The following CARMIL2 variants were observed in gnomAD, a reference collection of about 807,000 sequenced individuals.
CARMIL2 encodes the protein capping protein, Arp2/3 and myosin-I linker protein 2.
In CARMIL2, 96 loss-of-function variants were observed where a neutral mutation model predicts 173.3. That is an observed-to-expected ratio of 0.55 (90% confidence interval 0.47 to 0.66). The LOEUF is 0.66. Ranked by LOEUF, CARMIL2 falls within the 30% of genes least tolerant of loss-of-function variation. CARMIL2 has a pLI of 0.00. For missense variants in CARMIL2, 1,771 were observed against 1,906.7 expected (o/e 0.93, Z 1.33); for synonymous variants, 830 against 817.1 (o/e 1.02, Z -0.27).
intron 33 of CARMIL2, 62 bp downstream of exon 33, chr16:67,656,129 C>T: frequency 6.2e-7 from 1 of 1,610,764 alleles, no homozygotes; most frequent in Non-Finnish European, 8.5e-7. Flanking sequence ...AGACAGCCCC[C>T]AAGGCACTTG....
Position 67,646,776 on chromosome 16 carries a change from A to G in CARMIL2, c.529A>G (p.Ile177Val), listed in dbSNP as rs2052601982. 3 of 1,613,540 alleles carry G rather than the reference A, an allele frequency of 1.9e-6. No individual in the cohort carries two copies. Among genetic ancestry groups the G allele is most frequent in the African/African-American group, 2.7e-5 (2 of 74,814 alleles). The change falls in exon 7 of 38, where the codon ATT (isoleucine) becomes GTT (valine). Residue 177 changes from isoleucine (I) to valine (V), a missense_variant. By Grantham distance (29) the Ile-to-Val change is conservative. Coordinates refer to ENST00000334583, the MANE Select transcript of CARMIL2 (RefSeq NM_001013838.3). The surrounding 1 kb of genome is among the most constrained non-coding windows in gnomAD (Gnocchi z 4.6). Reference protein sequence around the residue: ...DYNGFPFREEIQWDVDTIYHR... With the variant: ...DYNGFPFREEVQWDVDTIYHR... ...CAATGGCTTCCCTTTCCGAGAGGAG[A>G]TTCAGTGGGTGAGGGTAGGGCCCTT... is the stretch of plus-strand genomic sequence containing the variant.
Position 67,646,182 on chromosome 16 carries a change from C to G in CARMIL2, c.250-4C>G. 4 of 1,613,780 alleles carry G rather than the reference C, an allele frequency of 2.5e-6. No homozygotes were observed. In the South Asian group the frequency reaches 4.4e-5, roughly 18 times the overall value. ...GCCGAGGCCTAGTAGTGCCCCTTCC[C>G]TAGGTCACCTTTGAGCTGGAGTCCC... On this transcript the variant is annotated splice_polypyrimidine_tract_variant and splice_region_variant and intron_variant, in intron 4 of 37. Coordinates refer to ENST00000334583, the MANE Select transcript of CARMIL2 (RefSeq NM_001013838.3). This position sits in a 1 kb window ranked among gnomAD's most constrained non-coding sequence, Gnocchi z 4.6.
In CARMIL2 at chr16:67,649,552, G is replaced by T; in HGVS notation, c.1852G>T (p.Gly618Cys). 2 of 1,604,086 alleles carry T rather than the reference G, an allele frequency of 1.2e-6. No homozygotes were observed. Among genetic ancestry groups the T allele is most frequent in the Non-Finnish European group, 8.5e-7 (1 of 1,179,814 alleles). ...TAACCTGACCGCGCTGGATATCAGC[G>T]GCAACGCCATGGGGGACGCGGGCGC... Reference protein sequence around the residue: ...NPNLTALDISGNAMGDAGAKL... With the variant: ...NPNLTALDISCNAMGDAGAKL... The change falls in exon 20 of 38, where the codon GGC becomes TGC. Residue 618 changes from glycine (G) to cysteine (C), a missense_variant. Coordinates refer to ENST00000334583, the MANE Select transcript of CARMIL2 (RefSeq NM_001013838.3). This position sits in a 1 kb window ranked among gnomAD's most constrained non-coding sequence, Gnocchi z 6.7.
intron 22 of CARMIL2, 52 bp downstream of exon 22, chr16:67,650,202 C>A: frequency 6.8e-7 from 1 of 1,466,330 alleles, no homozygotes; most frequent in Non-Finnish European, 9.3e-7. Flanking sequence ...AGACCTGTGG[C>A]ATCCGGGAGC....
chr16:67,656,824 C>G lies in CARMIL2; in HGVS notation c.4060C>G (p.Leu1354Val), dbSNP rs1183759247. Residue 1354 changes from leucine (L) to valine (V), a missense_variant, in exon 36 of 38, where the codon CTC becomes GTC. By Grantham distance (32) the Leu-to-Val change is conservative. This residue lies in a region of CARMIL2 where 817 missense variants were observed against 903.5 expected (regional missense o/e 0.90). Coordinates refer to ENST00000334583, the MANE Select transcript of CARMIL2 (RefSeq NM_001013838.3). ...NEDGQLRPRPLSAGRRAVSVH... is the reference protein window; with the variant it reads ...NEDGQLRPRPVSAGRRAVSVH... Reference sequence around the variant, plus strand: ...AGATGGCCAGCTGAGGCCGAGGCCTCTCTCGGCAGGGCGGCGAGCAGTGTC... The same window carrying G: ...AGATGGCCAGCTGAGGCCGAGGCCTGTCTCGGCAGGGCGGCGAGCAGTGTC... 1.3e-6 allele frequency: 2 copies of G among 1,551,048 alleles called. No homozygotes were observed. The highest frequency in any genetic ancestry group is 1.7e-6 in the Non-Finnish European group (2 of 1,147,058).
Position 67,653,970 on chromosome 16 carries a change from G to A in CARMIL2, c.3121-179G>A, listed in dbSNP as rs1264098603. Among the ~76,000 whole-genome samples the A allele has an allele frequency of 6.6e-6, 1 of 151,866 alleles. No individual in the cohort carries two copies. Among genetic ancestry groups the A allele is most frequent in the African/African-American group, 2.4e-5 (1 of 41,344 alleles). ...GGAGCCAGCAGCGAGTGAGGAGTGCGTGAAATCTGGAGTCTCTGTCCAGCA... is the reference window on the plus strand; with the variant it reads ...GGAGCCAGCAGCGAGTGAGGAGTGCATGAAATCTGGAGTCTCTGTCCAGCA... On this transcript the variant is annotated intron_variant, in intron 29 of 37. Transcript: ENST00000334583. This position sits in a 1 kb window ranked among gnomAD's most constrained non-coding sequence, Gnocchi z 7.4.
At chr16:67,647,803 T>TGGGGGGGGGG in intron 12 of CARMIL2, 37 bp downstream of exon 12, 2 of 258,438 alleles carry the variant, frequency 7.7e-6, no homozygotes, top group Admixed American at 6.7e-5. Flanking sequence ...GGGAGGGGGG[T>TGGGGGGGGGG]GGGGGTCTGT....
Position 67,650,065 on chromosome 16 carries a change from T to G in CARMIL2, c.2099T>G (p.Leu700Trp), listed in dbSNP as rs1331695270. Residue 700 changes from leucine (L) to tryptophan (W), a missense_variant, in exon 22 of 38, where the codon TTG (leucine) becomes TGG (tryptophan). Physicochemically the swap from Leu to Trp is moderately conservative, Grantham distance 61. Transcript: ENST00000334583. Reference protein sequence around the residue: ...RAVHQIQACLLRNNRADPASS... With the variant: ...RAVHQIQACLWRNNRADPASS... The stretch of plus-strand genomic sequence containing the variant: ...TGCCCCTAGATCCAAGCCTGTCTCT[T>G]GAGGAACAACCGCGCAGACCCTGCC... 5.0e-6 allele frequency: 8 copies of G among 1,613,706 alleles called. No homozygotes were observed. The highest frequency in any genetic ancestry group is 1.3e-5 in the African/African-American group (1 of 74,910).
chr16:67,656,103 CAGG>C (rs762183368), intron 33 of CARMIL2, 36 bp downstream of exon 33: 16 of 1,610,016 alleles, frequency 9.9e-6, no homozygotes, highest in African/African-American at 2.7e-5. Context: ...GTACATTTGC[CAGG>C]AGGTGTCCTT....
In CARMIL2 at chr16:67,653,007, C is replaced by A; in HGVS notation, c.2885-12C>A. 2 of 1,258,666 alleles carry A rather than the reference C, an allele frequency of 1.6e-6. No homozygotes were observed. The highest frequency in any genetic ancestry group is 2.0e-6 in the Non-Finnish European group (2 of 979,292). The allele number at this position is 1,258,666 out of a possible 1,614,324, so 78.0% of individuals were successfully genotyped here. On this transcript the variant is annotated splice_polypyrimidine_tract_variant and intron_variant, in intron 28 of 37. Coordinates refer to ENST00000334583, the MANE Select transcript of CARMIL2 (RefSeq NM_001013838.3). The surrounding 1 kb of genome is among the most constrained non-coding windows in gnomAD (Gnocchi z 7.4). ...CTCGGCGCTCGGTGCTCTTCTGGTG[C>A]TGTCCCCTCAGGTGCTGCTGAGGAA... is the stretch of plus-strand genomic sequence containing the variant.
At position 67,651,235 on chromosome 16, in the gene CARMIL2, G is replaced by T; in HGVS notation, c.2233G>T (p.Gly745Cys). 1 of 1,613,608 alleles carries T rather than the reference G, an allele frequency of 6.2e-7. No homozygotes were observed. Among genetic ancestry groups the T allele is most frequent in the Non-Finnish European group, 8.5e-7 (1 of 1,179,858 alleles). The change falls in exon 23 of 38, where the codon GGC becomes TGC. Residue 745 changes from glycine (G) to cysteine (C), a missense_variant. Gly to Cys is a radical substitution (Grantham distance 159, BLOSUM62 -3). Coordinates refer to ENST00000334583, the MANE Select transcript of CARMIL2 (RefSeq NM_001013838.3). This position sits in a 1 kb window ranked among gnomAD's most constrained non-coding sequence, Gnocchi z 4.2. Reference sequence around the variant, plus strand: ...GGTGCAGGAGCATGTGGAGCTGCTGGGCTGTGGGGCTGGGCCCCAGGGTGA... The same window carrying T: ...GGTGCAGGAGCATGTGGAGCTGCTGTGCTGTGGGGCTGGGCCCCAGGGTGA... ...QSVQEHVELL[G>C]CGAGPQGEAA...
In CARMIL2 at chr16:67,652,359, G is replaced by A. The variant is rs2052742426; in HGVS notation, c.2817+20G>A. 7 of 1,612,620 alleles carry A rather than the reference G, an allele frequency of 4.3e-6. No individual in the cohort carries two copies. The Admixed American group carries it at 5.0e-5, about 12-fold the overall frequency. On this transcript the variant is annotated intron_variant, in intron 27 of 37. Coordinates refer to ENST00000334583, the MANE Select transcript of CARMIL2 (RefSeq NM_001013838.3). This position sits in a 1 kb window ranked among gnomAD's most constrained non-coding sequence, Gnocchi z 4.7. ...GAGAAGGTAAGTGGTTTTAGAACAC[G>A]GGGCATGGCACTCCCAGTCTTCCCA... is the stretch of plus-strand genomic sequence containing the variant.
At chr16:67,656,972 G>C in intron 36 of CARMIL2, 91 bp downstream of exon 36, 1 of 1,060,172 alleles carries the variant, frequency 9.4e-7, no homozygotes, top group South Asian at 1.6e-5. Flanking sequence ...GTCCTTGGAG[G>C]GAGCCACCAG....
chr16:67,649,905 A>G lies in CARMIL2; in HGVS notation c.2019A>G (p.Pro673=), dbSNP rs1242162888. ...ACAGCCTGAAGGCCATGCCTCTGCC[A>G]CTGAACGACGTGGCCCAGGCGCAGC... ...QNHSLKAMPL[P]LNDVAQAQRS... The change falls in exon 21 of 38, where the codon CCA becomes CCG. Residue 673 remains proline, a synonymous_variant. Transcript: ENST00000334583. The surrounding 1 kb of genome is among the most constrained non-coding windows in gnomAD (Gnocchi z 6.7). 12 of 1,612,906 alleles carry G rather than the reference A, an allele frequency of 7.4e-6. No homozygotes were observed. The highest frequency in any genetic ancestry group is 1.0e-5 in the Non-Finnish European group (12 of 1,179,818).
Position 67,645,241 on chromosome 16 carries a change from C to A in CARMIL2, c.-6C>A, listed in dbSNP as rs997397934. On this transcript the variant is annotated 5_prime_UTR_variant, in exon 1 of 38. Transcript: ENST00000334583. ...GCTCGTTGGGCCTCCCCGGCCCGCC[C>A]GGCCCATGGCCCAGACCCCCGACGG... 6 of 1,591,848 alleles carry A rather than the reference C, an allele frequency of 3.8e-6. No individual in the cohort carries two copies. In the Admixed American group the frequency reaches 1.0e-4, roughly 28 times the overall value.
Position 67,646,936 on chromosome 16 carries a change from C to T in CARMIL2, c.574C>T (p.His192Tyr). ...DTIYHRQGCR[H>Y]FSLGDFSHLG... ...CATTTACCATCGCCAGGGCTGCCGC[C>T]ATTTCAGCCTGGGAGACTTCAGCCA... The change falls in exon 8 of 38, where the codon CAT becomes TAT. Residue 192 changes from histidine (H) to tyrosine (Y), a missense_variant. By Grantham distance (83) the His-to-Tyr change is moderately conservative. Transcript: ENST00000334583. The surrounding 1 kb of genome is among the most constrained non-coding windows in gnomAD (Gnocchi z 4.6). 1 of 1,613,772 alleles carries T rather than the reference C, an allele frequency of 6.2e-7. No homozygotes were observed. The highest frequency in any genetic ancestry group is 8.5e-7 in the Non-Finnish European group (1 of 1,179,888).
Position 67,650,000 on chromosome 16 carries a change from T to G in CARMIL2, c.2082+32T>G, listed in dbSNP as rs754790447. On this transcript the variant is annotated intron_variant, in intron 21 of 37. Transcript: ENST00000334583. The surrounding 1 kb of genome is among the most constrained non-coding windows in gnomAD (Gnocchi z 6.7). ...GTCCCCCTCTTCCCTTGCCCTTCTC[T>G]GCACGGTAACTCCGTCCCTCGGCAT... The G allele has an allele frequency of 6.2e-7, 1 of 1,613,662 alleles. No homozygotes were observed. The highest frequency in any genetic ancestry group is 1.7e-5 in the Admixed American group (1 of 59,998).
In CARMIL2 at chr16:67,648,266, G is replaced by A. The variant is rs759312707; in HGVS notation, c.1286G>A (p.Cys429Tyr). 1 of 1,598,938 alleles carries A rather than the reference G, an allele frequency of 6.3e-7. No individual in the cohort carries two copies. The highest frequency in any genetic ancestry group is 8.5e-7 in the Non-Finnish European group (1 of 1,176,892). ...TTCGCAGCGGTATCCCGAGGCTGCT[G>A]CACCAGCCTTACCCACCTCGACGCT... is the stretch of plus-strand genomic sequence containing the variant. Reference protein sequence around the residue: ...QLFAAVSRGCCTSLTHLDASR... With the variant: ...QLFAAVSRGCYTSLTHLDASR... The change falls in exon 14 of 38, where the codon TGC becomes TAC. Residue 429 changes from cysteine (C) to tyrosine (Y), a missense_variant. This residue lies in a region of CARMIL2 where 944 missense variants were observed against 975.6 expected (regional missense o/e 0.97). Transcript: ENST00000334583. This position sits in a 1 kb window ranked among gnomAD's most constrained non-coding sequence, Gnocchi z 6.1.
In CARMIL2 at chr16:67,648,576, G is replaced by T; in HGVS notation, c.1439+74G>T. On this transcript the variant is annotated intron_variant, in intron 15 of 37. Coordinates refer to ENST00000334583, the MANE Select transcript of CARMIL2 (RefSeq NM_001013838.3). This position sits in a 1 kb window ranked among gnomAD's most constrained non-coding sequence, Gnocchi z 6.1. ...CTGGCCTTCGCCCCTCCCCGCTCCT[G>T]CTTCTGTCGCTCCCACAACCTCCCC... 2 of 1,469,966 alleles carry T rather than the reference G, an allele frequency of 1.4e-6. No homozygotes were observed. 91.1% of individuals were successfully genotyped at this position (1,469,966 alleles called of 1,614,324 possible).
Sources: allele counts gnomAD v4.1 joint callset (sites outside exome capture counted in the v4.1 genomes callset), GRCh38; gene constraint gnomAD v4.1.1; regional missense constraint gnomAD v4.1.1; non-coding constraint Gnocchi (gnomAD v3.1); transcripts MANE v1.5; gene names NCBI Gene and HGNC (gene_info 2026-07-23, HGNC 2026-07-21).